TUBGCP2: variants seen among roughly 807,000 people sequenced by gnomAD.
TUBGCP2 encodes the protein gamma-tubulin complex component 2.
Under a neutral mutation model 92.2 loss-of-function variants are expected in TUBGCP2, and 55 were observed. The observed-to-expected ratio is 0.60, with a 90% CI of 0.48 to 0.75. TUBGCP2 has a LOEUF of 0.75. TUBGCP2 is among the 30% of genes least tolerant of loss of function. The pLI, the probability that TUBGCP2 is intolerant of heterozygous loss-of-function variation, is 0.00. For synonymous variants in TUBGCP2, 533 were observed against 505.2 expected (o/e 1.06, Z -0.74); for missense variants, 1,093 against 1,188.9 (o/e 0.92, Z 1.19).
upstream of TUBGCP2, chr10:133,311,974 C>T (rs748551100): frequency 1.3e-5 from 21 of 1,610,162 alleles, no homozygotes; most frequent in African/African-American, 1.7e-4. Flanking sequence ...AATCGGCTTC[C>T]GCCAGAGAAG....
intron 11 of TUBGCP2, among the ~76,000 whole-genome samples, chr10:133,287,076 G>A (rs971719112): frequency 4.6e-5 from 7 of 152,146 alleles, no homozygotes; most frequent in Non-Finnish European, 7.4e-5. Flanking sequence ...CAGCTAAGAC[G>A]AAAGAAGATT....
chr10:133,312,276 T>G (rs1200860072), upstream of TUBGCP2: 1 of 1,271,200 alleles, frequency 7.9e-7, no homozygotes, highest in East Asian at 3.7e-5. Flanking sequence ...TAGCATGACC[T>G]GTACTGTCTG....
rs1374992751 is a variant in TUBGCP2 at position 133,279,774 on chromosome 10, C to T, written c.2701G>A (p.Ala901Thr). The change falls in exon 18 of 18, where the codon GCA (alanine) becomes ACA (threonine). Residue 901 changes from alanine (A) to threonine (T), a missense_variant. Around this residue, in one of 3 missense-constraint regions of TUBGCP2, gnomAD observed 598 missense variants for 675.5 expected, o/e 0.89. Transcript: ENST00000252936. Reference sequence around the variant, plus strand: ...CCTGTCACAGCCAGGGCTCACTGTGCGGTGACTGCGACCCTGGGTGCAGGA... The same window carrying T: ...CCTGTCACAGCCAGGGCTCACTGTGTGGTGACTGCGACCCTGGGTGCAGGA... ...PAPAPRVAVT[A>T]Q 11 of 1,557,928 alleles carry T rather than the reference C, an allele frequency of 7.1e-6. No homozygotes were observed. Among genetic ancestry groups the T allele is most frequent in the African/African-American group, 2.7e-5 (2 of 73,346 alleles).
At position 133,279,827 on chromosome 10, in the gene TUBGCP2, T is replaced by C; in HGVS notation, c.2648A>G (p.Gln883Arg). Residue 883 changes from glutamine to arginine, a missense_variant, in exon 18 of 18, where the codon CAA becomes CGA. Transcript: ENST00000252936. ...SAERSQKATP[Q>R]VPVLRGPPAP... is the part of the protein sequence containing the mutation. ...CGGGGGCCCCCGCAGGACAGGCACT[T>C]GGGGGGTGGCCTTCTGGCTCCTCTC... 6.3e-7 allele frequency: 1 copy of C among 1,594,634 alleles called. No homozygotes were observed. The highest frequency in any genetic ancestry group is 8.5e-7 in the Non-Finnish European group (1 of 1,171,512).
chr10:133,289,726 G>A, intron 9 of TUBGCP2, 98 bp downstream of exon 9: 2 of 1,380,148 alleles, frequency 1.4e-6, no homozygotes, highest in Non-Finnish European at 1.9e-6. Flanking sequence ...GCAACCACAG[G>A]GTGAGGCACA....
At chr10:133,299,393 G>A (rs769619139) in intron 4 of TUBGCP2, 34 bp downstream of exon 4, 2 of 1,537,538 alleles carry the variant, frequency 1.3e-6, no homozygotes, top group Admixed American at 3.8e-5. Context: ...ACCTGCTGCA[G>A]CATGGAGCCT....
upstream of TUBGCP2, chr10:133,308,927 C>T (rs1460279234): frequency 3.3e-6 from 4 of 1,217,322 alleles, no homozygotes; most frequent in East Asian, 1.3e-4. Flanking sequence ...AGGCTGCGCC[C>T]GCCCGCGCCC....
intron 8 of TUBGCP2, chr10:133,291,003 C>G (rs11101679): frequency 1.1e-5 from 2 of 176,750 alleles, no homozygotes; most frequent in African/African-American, 4.8e-5. Context: ...TTAAATATAT[C>G]GCACTGAAGA....
chr10:133,308,867 G>A lies in TUBGCP2; in HGVS notation c.-84C>T, dbSNP rs370707138. ...CCCCCGCGCAGCCCCCGACGGCGGCGGAAGTGAGCGTGACGTCACGTCCGG... is the reference window on the plus strand; with the variant it reads ...CCCCCGCGCAGCCCCCGACGGCGGCAGAAGTGAGCGTGACGTCACGTCCGG... On this transcript the variant is annotated 5_prime_UTR_variant, in exon 1 of 18. Coordinates refer to ENST00000252936, the MANE Select transcript of TUBGCP2 (RefSeq NM_006659.4). The A allele has an allele frequency of 3.5e-4, 412 of 1,170,192 alleles. No individual in the cohort carries two copies. Among genetic ancestry groups the A allele is most frequent in the Middle Eastern group, 3.0e-3 (9 of 2,974 alleles). The allele number at this position is 1,170,192 out of a possible 1,614,324, so 72.5% of individuals were successfully genotyped here.
At chr10:133,296,164 G>A (rs1037011246) in intron 5 of TUBGCP2, among the ~76,000 whole-genome samples, 8 of 152,228 alleles carry the variant, frequency 5.3e-5, no homozygotes, top group South Asian at 2.1e-4. Flanking sequence ...CCACGGCGCC[G>A]CAGCGTTACT....
chr10:133,279,925 G>A (rs752698534), intron 17 of TUBGCP2, 24 bp from the exon 18 acceptor site: 1 of 1,605,724 alleles, frequency 6.2e-7, no homozygotes, highest in Non-Finnish European at 8.5e-7. Context: ...CAGTGGAGCT[G>A]GGGTGCACAC....
Position 133,308,852 on chromosome 10 carries a change from G to T in TUBGCP2, c.-69C>A. On this transcript the variant is annotated 5_prime_UTR_variant, in exon 1 of 18. It adds an upstream start codon to the 5' untranslated region. Coordinates refer to ENST00000252936, the MANE Select transcript of TUBGCP2 (RefSeq NM_006659.4). ...GTCCCGGAGCCACAGCCCCCGCGCA[G>T]CCCCCGACGGCGGCGGAAGTGAGCG... 1 of 1,111,582 alleles carries T rather than the reference G, an allele frequency of 9.0e-7. No homozygotes were observed. The highest frequency in any genetic ancestry group is 1.1e-6 in the Non-Finnish European group (1 of 888,876). The allele number at this position is 1,111,582 out of a possible 1,614,324, so 68.9% of individuals were successfully genotyped here. A position where few individuals can be genotyped will look rare whatever the true frequency, so the allele number is the denominator to read the frequency against.
At chr10:133,308,951 T>TGCCCCCCGCGCTGTGC, upstream of TUBGCP2, 1 of 1,233,516 alleles carries the variant, frequency 8.1e-7, no homozygotes, top group South Asian at 4.0e-5. Flanking sequence ...GTGATGCAGT[T>TGCCCCCCGCGCTGTGC]GCCCCCCGCG....
intron 15 of TUBGCP2, among the ~76,000 whole-genome samples, chr10:133,282,596 A>G (rs1435158810): frequency 1.3e-5 from 2 of 152,068 alleles, no homozygotes; most frequent in Non-Finnish European, 2.9e-5. Context: ...GGGACCCTGA[A>G]GTGGCCATGC....
chr10:133,295,994 C>T (rs1292601346), intron 5 of TUBGCP2: 3 of 152,502 alleles, frequency 2.0e-5, no homozygotes, highest in Non-Finnish European at 2.9e-5. Flanking sequence ...CCCCTGGGAC[C>T]TGTGGTATGT....
Position 133,282,297 on chromosome 10 carries a change from T to C in TUBGCP2, c.2335A>G (p.Thr779Ala). ...CCCAGGACGGTGCTGTGCTCCAGCG[T>C]CTGCCCGCCCAGCTCGCCATCTAAT... Reference protein sequence around the residue: ...MKLDGELGGQTLEHSTVLGLP... With the variant: ...MKLDGELGGQALEHSTVLGLP... The change falls in exon 16 of 18, where the codon ACG (threonine) becomes GCG (alanine). Residue 779 changes from threonine (T) to alanine (A), a missense_variant. By Grantham distance (58) the Thr-to-Ala change is moderately conservative. This residue lies in a region of TUBGCP2 where 598 missense variants were observed against 675.5 expected (regional missense o/e 0.89). Transcript: ENST00000252936. The C allele has an allele frequency of 6.2e-7, 1 of 1,606,744 alleles. No individual in the cohort carries two copies. The highest frequency in any genetic ancestry group is 8.5e-7 in the Non-Finnish European group (1 of 1,175,360).
chr10:133,311,002 A>C (rs926582326), upstream of TUBGCP2, among the ~76,000 whole-genome samples: 3 of 152,132 alleles, frequency 2.0e-5, no homozygotes, highest in African/African-American at 7.2e-5. Context: ...GGGTCTTGCT[A>C]TGTTGCCCAG....
Position 133,279,855 on chromosome 10 carries a change from C to G in TUBGCP2, c.2620G>C (p.Ala874Pro), listed in dbSNP as rs1846921118. The G allele has an allele frequency of 1.2e-6, 2 of 1,606,148 alleles. No individual in the cohort carries two copies. Among genetic ancestry groups the G allele is most frequent in the Non-Finnish European group, 1.7e-6 (2 of 1,177,198 alleles). Residue 874 changes from alanine to proline, a missense_variant, in exon 18 of 18, where the codon GCA (alanine) becomes CCA (proline). Around this residue, in one of 3 missense-constraint regions of TUBGCP2, gnomAD observed 598 missense variants for 675.5 expected, o/e 0.89. Transcript: ENST00000252936. ...GGGGTGGCCTTCTGGCTCCTCTCTG[C>G]AGACAGGCGCTCCAGGCGCTCCGTG... ...FYTERLERLS[A>P]ERSQKATPQV...
At chr10:133,289,098 G>A (rs1847208231) in intron 9 of TUBGCP2, 78 bp from the exon 10 acceptor site, 2 of 1,502,760 alleles carry the variant, frequency 1.3e-6, no homozygotes, top group Non-Finnish European at 9.0e-7. Context: ...TACACAGGAG[G>A]CAGTGGAATG....
Sources: gnomAD v4.1 joint callset for allele counts (sites outside exome capture counted in the v4.1 genomes callset) on GRCh38, gnomAD v4.1.1 for gene constraint, gnomAD v4.1.1 regional missense constraint, MANE v1.5 for transcripts, NCBI Gene and HGNC (gene_info 2026-07-23, HGNC 2026-07-21) for gene names.